The following VCAM1 variants were observed in gnomAD, a reference collection of about 807,000 sequenced individuals.
VCAM1 encodes the protein vascular cell adhesion molecule 1, also known as vascular cell adhesion protein 1.
A neutral mutation model predicts 63.8 loss-of-function variants in VCAM1; 41 were observed. The ratio of observed to expected loss-of-function variants is 0.64; its 90% CI spans 0.50 to 0.83. VCAM1 has a LOEUF of 0.83. VCAM1 is among the 40% of genes least tolerant of loss of function. VCAM1 has a pLI of 0.00. For missense variants in VCAM1, 798 were observed against 875.5 expected (o/e 0.91, Z 1.12); for synonymous variants, 338 against 320.7 (o/e 1.05, Z -0.58).
Position 100,731,172 on chromosome 1 carries a change from A to G in VCAM1, c.1205-26A>G, listed in dbSNP as rs1296528307. The stretch of plus-strand genomic sequence containing the variant: ...ATTTTTCCTTGAATATCAAGAATAA[A>G]AATCGTTTTTGCTTGCGATTTGCAG... On this transcript the variant is annotated intron_variant, in intron 5 of 8. Coordinates refer to ENST00000294728, the MANE Select transcript of VCAM1 (RefSeq NM_001078.4). The surrounding 1 kb of genome is among the most constrained non-coding windows in gnomAD (Gnocchi z 4.2). 5 of 1,562,788 alleles carry G rather than the reference A, an allele frequency of 3.2e-6. No individual in the cohort carries two copies. Among genetic ancestry groups the G allele is most frequent in the Non-Finnish European group, 3.5e-6 (4 of 1,157,846 alleles).
chr1:100,720,495 G>C lies in VCAM1; in HGVS notation c.84G>C (p.Glu28Asp). 6.2e-7 allele frequency: 1 copy of C among 1,605,018 alleles called. No individual in the cohort carries two copies. The highest frequency in any genetic ancestry group is 8.5e-7 in the Non-Finnish European group (1 of 1,173,986). The part of the protein sequence containing the change: ...MFAASQAFKI[E>D]TTPESRYLAQ... Reference sequence around the variant, plus strand: ...TTGCAGCTCAAGCTTTTAAAATCGAGACCACCCCAGAATCTAGATATCTTG... The same window carrying C: ...TTGCAGCTCAAGCTTTTAAAATCGACACCACCCCAGAATCTAGATATCTTG... Residue 28 changes from glutamate to aspartate, a missense_variant, in exon 2 of 9, where the codon GAG (glutamate) becomes GAC (aspartate). Coordinates refer to ENST00000294728, the MANE Select transcript of VCAM1 (RefSeq NM_001078.4).
Position 100,731,186 on chromosome 1 carries a change from TGCGA to T in VCAM1, c.1205-11_1205-8del. 2 of 1,570,112 alleles carry T rather than the reference TGCGA, an allele frequency of 1.3e-6. No homozygotes were observed. Among genetic ancestry groups the T allele is most frequent in the Admixed American group, 2.0e-5 (1 of 49,904 alleles). On this transcript the variant is annotated splice_polypyrimidine_tract_variant and splice_region_variant and intron_variant, in intron 5 of 8. Coordinates refer to ENST00000294728, the MANE Select transcript of VCAM1 (RefSeq NM_001078.4). This position sits in a 1 kb window ranked among gnomAD's most constrained non-coding sequence, Gnocchi z 4.2. ...ATCAAGAATAAAAATCGTTTTTGCT[TGCGA>T]TTTGCAGCATTCCCTAGAGATCCAG...
Position 100,731,143 on chromosome 1 carries a change from C to T in VCAM1, c.1205-55C>T, listed in dbSNP as rs1255830542. On this transcript the variant is annotated intron_variant, in intron 5 of 8. Coordinates refer to ENST00000294728, the MANE Select transcript of VCAM1 (RefSeq NM_001078.4). This position sits in a 1 kb window ranked among gnomAD's most constrained non-coding sequence, Gnocchi z 4.2. ...GGCCTTTACATTTAATAAAGCTTAG[C>T]TCAATTTTTCCTTGAATATCAAGAA... 6.6e-7 allele frequency: 1 copy of T among 1,522,168 alleles called. No homozygotes were observed. Among genetic ancestry groups the T allele is most frequent in the Non-Finnish European group, 8.8e-7 (1 of 1,136,360 alleles). 94.3% of individuals were successfully genotyped at this position (1,522,168 alleles called of 1,614,324 possible).
At chr1:100,722,720 C>T (rs1286863516) in intron 2 of VCAM1, among the ~76,000 whole-genome samples, 2 of 152,036 alleles carry the variant, frequency 1.3e-5, no homozygotes, top group Non-Finnish European at 2.9e-5. Context: ...ATCTATAGCA[C>T]AGTGACAGCC....
intron 8 of VCAM1, 143 bp from the exon 9 acceptor site, chr1:100,737,980 G>A: frequency 1.2e-6 from 1 of 832,314 alleles, no homozygotes. Context: ...CATGCATCTT[G>A]GGTCCTGATG....
chr1:100,720,660 T>C lies in VCAM1; in HGVS notation c.249T>C (p.Asn83=). 6.2e-7 allele frequency: 1 copy of C among 1,613,252 alleles called. No homozygotes were observed. The highest frequency in any genetic ancestry group is 8.5e-7 in the Non-Finnish European group (1 of 1,179,520). Residue 83 remains asparagine, a synonymous_variant, in exon 2 of 9, where the codon AAT becomes AAC. Transcript: ENST00000294728. ...NEGTTSTLTM[N]PVSFGNEHSY... ...GGACCACATCTACGCTGACAATGAA[T>C]CCTGTTAGTTTTGGGAACGAACACT...
chr1:100,731,204 C>G lies in VCAM1; in HGVS notation c.1211C>G (p.Pro404Arg), dbSNP rs757039798. 1.9e-6 allele frequency: 3 copies of G among 1,600,894 alleles called. No homozygotes were observed. The highest frequency in any genetic ancestry group is 3.5e-5 in the Admixed American group (2 of 57,968). ...KGIQVELYSF[P>R]RDPEIEMSGG... ...TTTTGCTTGCGATTTGCAGCATTCC[C>G]TAGAGATCCAGAAATCGAGATGAGT... Residue 404 changes from proline (P) to arginine (R), a missense_variant, in exon 6 of 9, where the codon CCT (proline) becomes CGT (arginine). By Grantham distance (103) the Pro-to-Arg change is moderately radical. Transcript: ENST00000294728. The surrounding 1 kb of genome is among the most constrained non-coding windows in gnomAD (Gnocchi z 4.2).
At chr1:100,727,793 G>A (rs1660227530) in intron 4 of VCAM1, among the ~76,000 whole-genome samples, 1 of 152,154 alleles carries the variant, frequency 6.6e-6, no homozygotes, top group East Asian at 1.9e-4. Flanking sequence ...GGTTGTTTTT[G>A]TGAATGAGCT....
At chr1:100,720,372 AAGAG>A (rs1659915568) in intron 1 of VCAM1, 100 bp from the exon 2 acceptor site, 1 of 1,434,960 alleles carries the variant, frequency 7.0e-7, no homozygotes, top group Non-Finnish European at 9.4e-7. Context: ...CAGCTTAGGA[AAGAG>A]ATCAGTCTGA....
Position 100,719,757 on chromosome 1 carries a change from G to A in VCAM1, c.-104G>A, listed in dbSNP as rs1659882656. ...ATTTCACTCCGCGGTATCTGCATCGGGCCTCACTGGCTTCAGGAGCTGAAT... is the reference window on the plus strand; with the variant it reads ...ATTTCACTCCGCGGTATCTGCATCGAGCCTCACTGGCTTCAGGAGCTGAAT... On this transcript the variant is annotated 5_prime_UTR_variant, in exon 1 of 9. Coordinates refer to ENST00000294728, the MANE Select transcript of VCAM1 (RefSeq NM_001078.4). 2 of 1,111,576 alleles carry A rather than the reference G, an allele frequency of 1.8e-6. No homozygotes were observed. The highest frequency in any genetic ancestry group is 5.0e-5 in the East Asian group (2 of 40,118). 68.9% of individuals were successfully genotyped at this position (1,111,576 alleles called of 1,614,324 possible). A position where few individuals can be genotyped will look rare whatever the true frequency, so the allele number is the denominator to read the frequency against.
Position 100,732,624 on chromosome 1 carries a change from T to G in VCAM1, c.1732T>G (p.Leu578Val). 1.9e-6 allele frequency: 3 copies of G among 1,611,784 alleles called. No homozygotes were observed. The highest frequency in any genetic ancestry group is 1.7e-6 in the Non-Finnish European group (2 of 1,179,280). ...AAAAATGGAAGATTCTGGGGTTTAT[T>G]TATGTGAAGGAATTAACCAGGCTGG... The part of the protein sequence containing the change: ...STKMEDSGVY[L>V]CEGINQAGRS... The change falls in exon 7 of 9, where the codon TTA becomes GTA. Residue 578 changes from leucine to valine, a missense_variant. Transcript: ENST00000294728.
intron 5 of VCAM1, among the ~76,000 whole-genome samples, chr1:100,730,336 C>A (rs1459371851): frequency 6.6e-6 from 1 of 151,996 alleles, no homozygotes. Flanking sequence ...GAAATGAGAA[C>A]CAGCAGTGGG....
chr1:100,731,202 C>T lies in VCAM1; in HGVS notation c.1209C>T (p.Phe403=), dbSNP rs751326912. Residue 403 remains phenylalanine, a synonymous_variant, in exon 6 of 9, where the codon TTC becomes TTT. Transcript: ENST00000294728. The surrounding 1 kb of genome is among the most constrained non-coding windows in gnomAD (Gnocchi z 4.2). ...GTTTTTGCTTGCGATTTGCAGCATT[C>T]CCTAGAGATCCAGAAATCGAGATGA... The part of the protein sequence containing the change: ...EKGIQVELYS[F]PRDPEIEMSG... The T allele has an allele frequency of 1.3e-6, 2 of 1,599,636 alleles. No homozygotes were observed. The highest frequency in any genetic ancestry group is 1.7e-6 in the Non-Finnish European group (2 of 1,173,194).
intron 2 of VCAM1, among the ~76,000 whole-genome samples, chr1:100,722,184 A>T (rs1463272992): frequency 1.3e-5 from 2 of 152,086 alleles, no homozygotes; most frequent in African/African-American, 2.4e-5. Flanking sequence ...CATAATGAAA[A>T]AGGTAACTCT....
intron 4 of VCAM1, among the ~76,000 whole-genome samples, chr1:100,727,911 A>T (rs1406903285): frequency 6.6e-6 from 1 of 152,170 alleles, no homozygotes; most frequent in African/African-American, 2.4e-5. Flanking sequence ...CTTATGGCAT[A>T]GATGAGAACC....
intron 8 of VCAM1, chr1:100,737,811 C>T (rs533620572): frequency 2.1e-5 from 4 of 194,616 alleles, no homozygotes; most frequent in East Asian, 1.3e-4. Context: ...TTGCCTCTCT[C>T]CAATTCCTGT....
intron 2 of VCAM1, among the ~76,000 whole-genome samples, chr1:100,721,697 T>G (rs921908859): frequency 6.6e-6 from 1 of 152,096 alleles, no homozygotes; most frequent in African/African-American, 2.4e-5. Context: ...CAAGAAACTG[T>G]GCTTGGCCGG....
rs1659916685 is a variant in VCAM1 at position 100,720,383 on chromosome 1, C to T, written c.65-93C>T. ...GAAGCAGCTTAGGAAAGAGATCAGT[C>T]TGATCATATTTTAGACATTATACAG... On this transcript the variant is annotated intron_variant, in intron 1 of 8. Transcript: ENST00000294728. 7 of 1,467,414 alleles carry T rather than the reference C, an allele frequency of 4.8e-6. No individual in the cohort carries two copies. In the South Asian group the frequency reaches 8.3e-5, roughly 17 times the overall value. 90.9% of individuals were successfully genotyped at this position (1,467,414 alleles called of 1,614,324 possible).
rs373461502 is a variant in VCAM1 at position 100,723,355 on chromosome 1, G to A, written c.661+15G>A. The A allele has an allele frequency of 1.9e-5, 31 of 1,607,144 alleles. No individual in the cohort carries two copies. The highest frequency in any genetic ancestry group is 1.1e-4 in the East Asian group (5 of 44,778). On this transcript the variant is annotated intron_variant, in intron 3 of 8. Coordinates refer to ENST00000294728, the MANE Select transcript of VCAM1 (RefSeq NM_001078.4). The stretch of plus-strand genomic sequence containing the variant: ...GCAAGTCTACAGTAAGTACTTGTGC[G>A]ATGTGTTCCAGTCTTTGTGGGAATC...
Sources: allele counts gnomAD v4.1 joint callset (sites outside exome capture counted in the v4.1 genomes callset), GRCh38; gene constraint gnomAD v4.1.1; non-coding constraint Gnocchi (gnomAD v3.1); transcripts MANE v1.5; gene names NCBI Gene and HGNC (gene_info 2026-07-23, HGNC 2026-07-21).